The following ANK1 variants were observed in gnomAD, a reference collection of about 807,000 sequenced individuals.
ANK1 encodes ankyrin-1.
Under a neutral mutation model 210.4 loss-of-function variants are expected in ANK1, and 51 were observed. The ratio of observed to expected loss-of-function variants is 0.24; its 90% CI spans 0.19 to 0.31. ANK1 has a LOEUF of 0.31. ANK1 is among the 10% of genes least tolerant of loss of function. The pLI is 1.00. For synonymous variants in ANK1, 967 were observed against 1,025.9 expected (o/e 0.94, Z 1.10); for missense variants, 2,051 against 2,504.4 (o/e 0.82, Z 3.86).
intron 1 of ANK1, among the ~76,000 whole-genome samples, chr8:41,855,289 G>C (rs1403500207): frequency 1.3e-5 from 2 of 152,222 alleles, no homozygotes; most frequent in African/African-American, 4.8e-5. Flanking sequence ...TGAACAGCTA[G>C]AATTCCGGTG....
intron 1 of ANK1, among the ~76,000 whole-genome samples, chr8:41,866,595 A>G (rs557705929): frequency 1.3e-5 from 2 of 152,352 alleles, no homozygotes; most frequent in Middle Eastern, 3.4e-3. Flanking sequence ...TTCATCTTGC[A>G]AAGTGAAACT....
intron 1 of ANK1, among the ~76,000 whole-genome samples, chr8:41,782,755 C>CCTCTTACTTGCTTA (rs1168287099): frequency 1.3e-5 from 2 of 152,150 alleles, no homozygotes. Flanking sequence ...TCTCTAATCA[C>CCTCTTACTTGCTTA]CTATGCGAAA....
intron 2 of ANK1, among the ~76,000 whole-genome samples, chr8:41,742,750 C>CAGAGACACCA (rs1835094430): frequency 6.6e-6 from 1 of 152,146 alleles, no homozygotes; most frequent in African/African-American, 2.4e-5. Context: ...GGCCCGATAG[C>CAGAGACACCA]AGTGGCAGAG....
chr8:41,818,933 A>C (rs1803759961), intron 1 of ANK1, among the ~76,000 whole-genome samples: 1 of 152,190 alleles, frequency 6.6e-6, no homozygotes. Flanking sequence ...ACTTGCCCAG[A>C]CATGCCGGCA....
intron 17 of ANK1, among the ~76,000 whole-genome samples, chr8:41,707,225 G>A (rs1586296099): frequency 6.6e-6 from 1 of 152,272 alleles, no homozygotes; most frequent in Non-Finnish European, 1.5e-5. Context: ...TCACAGCTTC[G>A]TCAGGAAGGC....
At chr8:41,723,271 G>A (rs1472082939) in intron 8 of ANK1, 48 bp from the exon 9 acceptor site, 1 of 1,594,850 alleles carries the variant, frequency 6.3e-7, no homozygotes, top group Non-Finnish European at 8.6e-7. Context: ...GCAGCTATCA[G>A]AGGCCATTTG....
At chr8:41,814,355 A>G (rs1242381097) in intron 1 of ANK1, among the ~76,000 whole-genome samples, 1 of 121,502 alleles carries the variant, frequency 8.2e-6, no homozygotes, top group Admixed American at 7.7e-5. Context: ...GCAAGACTCC[A>G]TCTCAAAAAA....
intron 1 of ANK1, among the ~76,000 whole-genome samples, chr8:41,777,501 G>T (rs1844314285): frequency 6.6e-6 from 1 of 152,124 alleles, no homozygotes; most frequent in South Asian, 2.1e-4. Context: ...CTGGAACCCA[G>T]GAGGCAGAGG....
At chr8:41,723,768 A>ACATT in intron 7 of ANK1, 135 bp from the exon 8 acceptor site, 2 of 588,816 alleles carry the variant, frequency 3.4e-6, no homozygotes, top group Non-Finnish European at 5.7e-6. Flanking sequence ...CTGGCCTAAG[A>ACATT]TATTTTATTT....
intron 1 of ANK1, among the ~76,000 whole-genome samples, chr8:41,773,987 A>G (rs1416069404): frequency 6.6e-6 from 1 of 152,232 alleles, no homozygotes; most frequent in Non-Finnish European, 1.5e-5. Flanking sequence ...TTTATGTACA[A>G]TAACAAATTT....
chr8:41,882,848 T>C (rs1444497736), intron 1 of ANK1, among the ~76,000 whole-genome samples: 1 of 152,216 alleles, frequency 6.6e-6, no homozygotes, highest in Non-Finnish European at 1.5e-5. Context: ...CAGAGGAAGA[T>C]GGCTGTGCCC....
intron 1 of ANK1, chr8:41,828,381 T>A (rs1170274236): frequency 6.5e-6 from 1 of 154,424 alleles, no homozygotes; most frequent in Non-Finnish European, 1.5e-5. Context: ...TGAACTCTCA[T>A]TTTCCACCTT....
rs117701368 is a variant in ANK1 at position 41,849,143 on chromosome 8, G to C, written c.126+47212C>G. On this transcript the variant is annotated intron_variant, in intron 1 of 42. Transcript: ENST00000265709. ...TTTAGGGACCTTTGAACCACATTTG[G>C]AGGGGCTCACTTCATATCCTCTGCC... 2.8e-3 allele frequency among the ~76,000 whole-genome samples: 433 copies of C among 152,352 alleles called. 4 individuals are homozygous for C. Among genetic ancestry groups the C allele is most frequent in the Non-Finnish European group, 4.8e-3 (329 of 68,034 alleles).
intron 1 of ANK1, among the ~76,000 whole-genome samples, chr8:41,835,701 A>G (rs918329258): frequency 6.6e-6 from 1 of 152,224 alleles, no homozygotes; most frequent in Admixed American, 6.5e-5. Flanking sequence ...ATAGTTGAGA[A>G]AAGGATTCAA....
intron 1 of ANK1, among the ~76,000 whole-genome samples, chr8:41,866,307 G>A (rs896972168): frequency 1.6e-4 from 24 of 152,078 alleles, no homozygotes; most frequent in African/African-American, 3.9e-4. Context: ...CTCCTATCTC[G>A]ACTTCCCGGG....
intron 1 of ANK1, among the ~76,000 whole-genome samples, chr8:41,791,074 C>G (rs754947538): frequency 1.3e-5 from 2 of 152,106 alleles, no homozygotes; most frequent in East Asian, 1.9e-4. Flanking sequence ...TTCTGAGTAG[C>G]TGGAATCTGC....
At chr8:41,812,889 T>A (rs1423629527) in intron 1 of ANK1, among the ~76,000 whole-genome samples, 1 of 152,158 alleles carries the variant, frequency 6.6e-6, no homozygotes, top group East Asian at 1.9e-4. Flanking sequence ...GAGGCGGAGC[T>A]CAGGCAGCAA....
At chr8:41,856,766 C>A (rs112870066) in intron 1 of ANK1, among the ~76,000 whole-genome samples, 3,644 of 146,304 alleles carry the variant, frequency 0.025, 149 homozygotes, top group African/African-American at 0.086. Context: ...TTCCAAAATC[C>A]AAAAAAAAAA....
chr8:41,877,924 C>T (rs941708599), intron 1 of ANK1, among the ~76,000 whole-genome samples: 8 of 152,098 alleles, frequency 5.3e-5, no homozygotes, highest in Non-Finnish European at 8.8e-5. Context: ...GGGCTGTGGC[C>T]GTGTGAGGGA....
Sources: allele counts gnomAD v4.1 joint callset (sites outside exome capture counted in the v4.1 genomes callset), GRCh38; gene constraint gnomAD v4.1.1; transcripts MANE v1.5; gene names NCBI Gene and HGNC (gene_info 2026-07-23, HGNC 2026-07-21).